Variants in ZNF548 observed in about 807,000 individuals in gnomAD.
ZNF548 encodes the protein zinc finger protein 548.
A neutral mutation model predicts 10.2 loss-of-function variants in ZNF548; 10 were observed. That is an observed-to-expected ratio of 0.98 (90% CI 0.60 to 1.66). ZNF548 has a LOEUF of 1.66. ZNF548 is among the 40% of genes most tolerant of loss of function. The pLI is 0.00. For synonymous variants in ZNF548, 217 were observed against 223.5 expected, an observed-to-expected ratio of 0.97 and a Z score of 0.26; for missense variants, 599 against 657.0, an observed-to-expected ratio of 0.91 and a Z score of 0.97.
chr19:57,402,215 G>A lies in ZNF548; in HGVS notation c.*2326G>A, dbSNP rs1351814201. The A allele has an allele frequency of 3.9e-5, 6 of 152,112 alleles. No homozygotes were observed. In the East Asian group the frequency reaches 5.8e-4, roughly 15 times the overall value. The allele number at this position is 152,112 out of a possible 1,614,324, so 9.4% of individuals were successfully genotyped here. On this transcript the variant is annotated 3_prime_UTR_variant, in exon 4 of 4. Coordinates refer to ENST00000336128, the MANE Select transcript of ZNF548 (RefSeq NM_001172773.2). ...AAAATCATTTGTCCATATATGCCAT[G>A]GTTTATATGTGGATTCTCTATTTTA...
At chr19:57,392,273 A>G (rs1442868523) in intron 1 of ZNF548, among the ~76,000 whole-genome samples, 4 of 152,164 alleles carry the variant, frequency 2.6e-5, no homozygotes, top group Non-Finnish European at 5.9e-5. Context: ...TCCTTTTGCT[A>G]TACAGAAGCT....
In ZNF548 at chr19:57,400,986, CA is replaced by C. The variant is rs771338349; in HGVS notation, c.*1098del. 6.6e-6 allele frequency: 1 copy of C among 152,148 alleles called. No individual in the cohort carries two copies. The highest frequency in any genetic ancestry group is 2.4e-5 in the African/African-American group (1 of 41,424). The allele number at this position is 152,148 out of a possible 1,614,324, so 9.4% of individuals were successfully genotyped here. A position where few individuals can be genotyped will look rare whatever the true frequency, so the allele number is the denominator to read the frequency against. The stretch of plus-strand genomic sequence containing the variant: ...TGATTGATGATGTTGAGGATCTTTT[CA>C]TGTGCTTGTTAGGCATTTGTGTATC... On this transcript the variant is annotated 3_prime_UTR_variant, in exon 4 of 4. Coordinates refer to ENST00000336128, the MANE Select transcript of ZNF548 (RefSeq NM_001172773.2).
chr19:57,395,034 T>G lies in ZNF548; in HGVS notation c.51+811T>G, dbSNP rs1808188. Among the ~76,000 whole-genome samples the G allele has an allele frequency of 1.3e-5, 2 of 151,600 alleles. No homozygotes were observed. The highest frequency in any genetic ancestry group is 4.9e-5 in the African/African-American group (2 of 40,856). On this transcript the variant is annotated intron_variant, in intron 2 of 3. Coordinates refer to ENST00000336128, the MANE Select transcript of ZNF548 (RefSeq NM_001172773.2). The surrounding 1 kb of genome is among the most constrained non-coding windows in gnomAD (Gnocchi z 4.8). ...CTGATGGAGGAGTTCAGGTTGGAGA[T>G]GTCCACACTATGGTGGCTGTCGTAT...
At position 57,399,487 on chromosome 19, in the gene ZNF548, A is replaced by T; in HGVS notation, c.1236A>T (p.Lys412Asn). ...ERPYKCSECG[K>N]SFRYHCRLIR... ...CTTATAAATGCAGTGAATGTGGGAA[A>T]TCATTTAGGTACCACTGCAGGCTCA... Residue 412 changes from lysine to asparagine, a missense_variant, in exon 4 of 4, where the codon AAA becomes AAT. Coordinates refer to ENST00000336128, the MANE Select transcript of ZNF548 (RefSeq NM_001172773.2). This position sits in a 1 kb window ranked among gnomAD's most constrained non-coding sequence, Gnocchi z 4.0. 6.2e-7 allele frequency: 1 copy of T among 1,614,116 alleles called. No individual in the cohort carries two copies. Among genetic ancestry groups the T allele is most frequent in the Non-Finnish European group, 8.5e-7 (1 of 1,180,010 alleles).
chr19:57,389,989 G>T lies in ZNF548; in HGVS notation c.-111G>T. On this transcript the variant is annotated 5_prime_UTR_variant, in exon 1 of 4. Coordinates refer to ENST00000336128, the MANE Select transcript of ZNF548 (RefSeq NM_001172773.2). Reference sequence around the variant, plus strand: ...CGAGAAGCGGCTCGGTTCCCACCACGGAGAGGCGGGAGTGAGTCAACTGAC... The same window carrying T: ...CGAGAAGCGGCTCGGTTCCCACCACTGAGAGGCGGGAGTGAGTCAACTGAC... The T allele has an allele frequency of 1.5e-6, 2 of 1,306,050 alleles. No individual in the cohort carries two copies. Among genetic ancestry groups the T allele is most frequent in the East Asian group, 2.6e-5 (1 of 38,020 alleles). 80.9% of individuals were successfully genotyped at this position (1,306,050 alleles called of 1,614,324 possible).
Position 57,390,126 on chromosome 19 carries a change from G to T in ZNF548, c.15+12G>T. ...TGAACCTGACTGAGGTGGGTGTCCCGTCCCAGGCTCCCCCGCCCGACCGGT... is the reference window on the plus strand; with the variant it reads ...TGAACCTGACTGAGGTGGGTGTCCCTTCCCAGGCTCCCCCGCCCGACCGGT... On this transcript the variant is annotated intron_variant, in intron 1 of 3. Transcript: ENST00000336128. The T allele has an allele frequency of 6.2e-7, 1 of 1,607,134 alleles. No individual in the cohort carries two copies. The highest frequency in any genetic ancestry group is 8.5e-7 in the Non-Finnish European group (1 of 1,179,140).
At chr19:57,392,009 G>T (rs897749644) in intron 1 of ZNF548, among the ~76,000 whole-genome samples, 1 of 151,854 alleles carries the variant, frequency 6.6e-6, no homozygotes, top group African/African-American at 2.4e-5. Flanking sequence ...ATGTTGGCCA[G>T]GCTGGTCTTG....
chr19:57,397,449 T>C (rs578153892), intron 3 of ZNF548: 35 of 433,316 alleles, frequency 8.1e-5, no homozygotes. Context: ...TGTCTGTCCC[T>C]GGTCAGGTTA....
At chr19:57,396,820 G>A (rs1385762996) in intron 2 of ZNF548, 3 of 509,758 alleles carry the variant, frequency 5.9e-6, no homozygotes, top group Non-Finnish European at 1.0e-5. Flanking sequence ...GGGCTATTGG[G>A]ACTGTCCCTA....
Position 57,397,130 on chromosome 19 carries a change from A to G in ZNF548, c.134A>G (p.Tyr45Cys). 2 of 1,613,268 alleles carry G rather than the reference A, an allele frequency of 1.2e-6. No homozygotes were observed. Among genetic ancestry groups the G allele is most frequent in the Non-Finnish European group, 1.7e-6 (2 of 1,179,580 alleles). ...CTTGATGAGGCTCAGAGATTGCTGT[A>G]CCGTGATGTGATGCTGGAGAATTTG... ...GHLDEAQRLL[Y>C]RDVMLENLAL... is the part of the protein sequence containing the mutation. The change falls in exon 3 of 4, where the codon TAC (tyrosine) becomes TGC (cysteine). Residue 45 changes from tyrosine (Y) to cysteine (C), a missense_variant. Transcript: ENST00000336128.
intron 1 of ZNF548, among the ~76,000 whole-genome samples, chr19:57,391,313 T>G (rs1265539654): frequency 7.5e-6 from 1 of 132,928 alleles, no homozygotes; most frequent in Non-Finnish European, 1.7e-5. Flanking sequence ...TTTTTTTTTG[T>G]GGCCTAGTGG....
In ZNF548 at chr19:57,400,504, C is replaced by T. The variant is rs1379293405; in HGVS notation, c.*615C>T. On this transcript the variant is annotated 3_prime_UTR_variant, in exon 4 of 4. Transcript: ENST00000336128. Reference sequence around the variant, plus strand: ...CTGGAGTGCAGTGCTGTGATCTTGGCTCACTGCAAGCTCCGCCTCCCAGGT... The same window carrying T: ...CTGGAGTGCAGTGCTGTGATCTTGGTTCACTGCAAGCTCCGCCTCCCAGGT... The T allele has an allele frequency of 6.6e-6, 1 of 152,130 alleles. No homozygotes were observed. Among genetic ancestry groups the T allele is most frequent in the Admixed American group, 6.6e-5 (1 of 15,250 alleles). The allele number at this position is 152,130 out of a possible 1,614,324, so 9.4% of individuals were successfully genotyped here. A position where few individuals can be genotyped will look rare whatever the true frequency, so the allele number is the denominator to read the frequency against.
Position 57,389,913 on chromosome 19 carries a change from T to A in ZNF548, c.-187T>A. 37 of 605,080 alleles carry A rather than the reference T, an allele frequency of 6.1e-5. No homozygotes were observed. The highest frequency in any genetic ancestry group is 7.3e-5 in the Non-Finnish European group (27 of 368,168). The allele number at this position is 605,080 out of a possible 1,614,324, so 37.5% of individuals were successfully genotyped here. A position where few individuals can be genotyped will look rare whatever the true frequency, so the allele number is the denominator to read the frequency against. On this transcript the variant is annotated 5_prime_UTR_variant, in exon 1 of 4. Transcript: ENST00000336128. ...TGGTTCTGTGTGGTGTTTCACCAACTTCGGCCTATGGCTCTGTCTGACGTC... is the reference window on the plus strand; with the variant it reads ...TGGTTCTGTGTGGTGTTTCACCAACATCGGCCTATGGCTCTGTCTGACGTC...
Position 57,389,964 on chromosome 19 carries a change from C to T in ZNF548, c.-136C>T, listed in dbSNP as rs139771233. 2 of 1,148,358 alleles carry T rather than the reference C, an allele frequency of 1.7e-6. No homozygotes were observed. The highest frequency in any genetic ancestry group is 2.4e-6 in the Non-Finnish European group (2 of 830,026). The allele number at this position is 1,148,358 out of a possible 1,614,324, so 71.1% of individuals were successfully genotyped here. A position where few individuals can be genotyped will look rare whatever the true frequency, so the allele number is the denominator to read the frequency against. The stretch of plus-strand genomic sequence containing the variant: ...ACCGAAGTGACGGAACGGAAAAGCG[C>T]GAGAAGCGGCTCGGTTCCCACCACG... On this transcript the variant is annotated 5_prime_UTR_variant, in exon 1 of 4. Coordinates refer to ENST00000336128, the MANE Select transcript of ZNF548 (RefSeq NM_001172773.2).
In ZNF548 at chr19:57,395,924, G is replaced by A. The variant is rs2088661407; in HGVS notation, c.52-1124G>A. Among the ~76,000 whole-genome samples, 4 of 152,302 alleles carry A rather than the reference G, an allele frequency of 2.6e-5. No individual in the cohort carries two copies. The South Asian group carries it at 8.3e-4, about 32-fold the overall frequency. On this transcript the variant is annotated intron_variant, in intron 2 of 3. Transcript: ENST00000336128. This position sits in a 1 kb window ranked among gnomAD's most constrained non-coding sequence, Gnocchi z 4.8. ...GCAGCTGACAGTGAAGTGAGAAACA[G>A]GGCCGTGTAGGGAACCTTCAACCCA...
intron 2 of ZNF548, 44 bp from the exon 3 acceptor site, chr19:57,397,004 T>C (rs2088670815): frequency 1.3e-6 from 2 of 1,573,804 alleles, no homozygotes; most frequent in African/African-American, 2.7e-5. Context: ...TAAATACAGC[T>C]TGAAAAGAAG....
intron 1 of ZNF548, chr19:57,392,837 TG>T (rs1341557072): frequency 2.0e-6 from 2 of 985,478 alleles, no homozygotes; most frequent in Non-Finnish European, 2.4e-6. Context: ...GGCTGAGACT[TG>T]GGGGCCAGAC....
At position 57,399,545 on chromosome 19, in the gene ZNF548, C is replaced by T. The variant is rs1482657998; in HGVS notation, c.1294C>T (p.Pro432Ser). The change falls in exon 4 of 4, where the codon CCT (proline) becomes TCT (serine). Residue 432 changes from proline (P) to serine (S), a missense_variant. Physicochemically the swap from Pro to Ser is moderately conservative, Grantham distance 74. Coordinates refer to ENST00000336128, the MANE Select transcript of ZNF548 (RefSeq NM_001172773.2). This position sits in a 1 kb window ranked among gnomAD's most constrained non-coding sequence, Gnocchi z 4.0. Reference protein sequence around the residue: ...RHQRVHTGERPYECSECGKFF... With the variant: ...RHQRVHTGERSYECSECGKFF... Reference sequence around the variant, plus strand: ...CCAGAGAGTCCACACGGGAGAAAGGCCTTATGAGTGCAGCGAATGCGGGAA... The same window carrying T: ...CCAGAGAGTCCACACGGGAGAAAGGTCTTATGAGTGCAGCGAATGCGGGAA... The T allele has an allele frequency of 1.2e-6, 2 of 1,613,992 alleles. No homozygotes were observed. The highest frequency in any genetic ancestry group is 1.7e-5 in the Admixed American group (1 of 59,986).
chr19:57,392,503 G>A (rs996654055), intron 1 of ZNF548, among the ~76,000 whole-genome samples: 5 of 152,116 alleles, frequency 3.3e-5, no homozygotes, highest in Non-Finnish European at 7.4e-5. Context: ...TTTTTCATAT[G>A]GCAATCCAGT....
Sources: allele counts gnomAD v4.1 joint callset (sites outside exome capture counted in the v4.1 genomes callset), GRCh38; gene constraint gnomAD v4.1.1; non-coding constraint Gnocchi (gnomAD v3.1); transcripts MANE v1.5; gene names NCBI Gene and HGNC (gene_info 2026-07-23, HGNC 2026-07-21).